The following RYR3 variants were observed in gnomAD, a reference collection of about 807,000 sequenced individuals.
RYR3 encodes the protein brain ryanodine receptor-calcium release channel.
In RYR3, 207 loss-of-function variants were observed where a neutral mutation model predicts 584.3. The observed-to-expected ratio is 0.35, with a 90% CI of 0.32 to 0.40. RYR3 has a LOEUF of 0.40. Among genes scored for constraint, RYR3 ranks in the 10% least tolerant of loss-of-function variants. RYR3 has a pLI of 1.00. For missense variants in RYR3, 5,616 were observed against 6,089.2 expected, an observed-to-expected ratio of 0.92 and a Z score of 2.59; for synonymous variants, 2,416 against 2,248.5, an observed-to-expected ratio of 1.07 and a Z score of -2.11.
At chr15:33,579,732 T>A (rs1172110000) in intron 12 of RYR3, among the ~76,000 whole-genome samples, 2 of 152,142 alleles carry the variant, frequency 1.3e-5, no homozygotes, top group Non-Finnish European at 2.9e-5. Context: ...TGCTTGAAAA[T>A]AAATGTGCTA....
intron 67 of RYR3, among the ~76,000 whole-genome samples, chr15:33,788,746 C>T (rs1028574876): frequency 1.3e-5 from 2 of 152,218 alleles, no homozygotes; most frequent in African/African-American, 2.4e-5. Context: ...TGACCCACTT[C>T]TGCCCCTCTG....
chr15:33,471,539 A>C (rs1253237239), intron 1 of RYR3, among the ~76,000 whole-genome samples: 2 of 151,866 alleles, frequency 1.3e-5, no homozygotes, highest in Non-Finnish European at 1.5e-5. Context: ...AGATCTTGAA[A>C]AGAGAACCTC....
At chr15:33,801,843 T>G (rs761138319) in intron 68 of RYR3, 26 bp from the exon 69 acceptor site, 71 of 1,218,734 alleles carry the variant, frequency 5.8e-5, no homozygotes, top group Non-Finnish European at 8.4e-5. Flanking sequence ...TTGTAATGTT[T>G]GCTGTTTCAA....
chr15:33,520,259 G>GT (rs879516356), intron 3 of RYR3, among the ~76,000 whole-genome samples: 34 of 152,278 alleles, frequency 2.2e-4, no homozygotes, highest in Admixed American at 4.6e-4. Flanking sequence ...TGAACAGTGA[G>GT]TTTTTTTATA....
chr15:33,516,988 T>TTTA lies in RYR3; in HGVS notation c.279+13265_279+13267dup, dbSNP rs758912762. ...TACCCGGTGTTCTTCTACCTTTTATTTTATTATTATTATTATTTTTTGAGA... is the reference window on the plus strand; with the variant it reads ...TACCCGGTGTTCTTCTACCTTTTATTTTATTATTATTATTATTATTTTTTGAGA... On this transcript the variant is annotated intron_variant, in intron 3 of 103. Coordinates refer to ENST00000634891, the MANE Select transcript of RYR3 (RefSeq NM_001036.6). 4.6e-5 allele frequency among the ~76,000 whole-genome samples: 7 copies of TTTA among 152,202 alleles called. No individual in the cohort carries two copies. The East Asian group carries it at 5.8e-4, about 13-fold the overall frequency.
At chr15:33,688,548 G>C (rs2065178388) in intron 38 of RYR3, among the ~76,000 whole-genome samples, 1 of 149,806 alleles carries the variant, frequency 6.7e-6, no homozygotes, top group Non-Finnish European at 1.5e-5. Flanking sequence ...ACTCCAGCCT[G>C]GGCGACAGAG....
At chr15:33,815,819 T>C (rs1418814453) in intron 74 of RYR3, 1 of 398,460 alleles carries the variant, frequency 2.5e-6, no homozygotes. Flanking sequence ...AGAAAACTTG[T>C]ATGCTTCTCT....
intron 1 of RYR3, among the ~76,000 whole-genome samples, chr15:33,464,485 T>TATATATATAG (rs2048307792): frequency 1.1e-5 from 1 of 90,180 alleles, no homozygotes; most frequent in Non-Finnish European, 2.3e-5. Flanking sequence ...TATATATATA[T>TATATATATAG]ATATACACAT....
intron 103 of RYR3, among the ~76,000 whole-genome samples, chr15:33,864,474 TAAG>T (rs1889739757): frequency 6.6e-6 from 1 of 151,902 alleles, no homozygotes; most frequent in Non-Finnish European, 1.5e-5. Context: ...TGTCTGACAA[TAAG>T]AAATGGAGTG....
intron 1 of RYR3, among the ~76,000 whole-genome samples, chr15:33,386,775 T>C (rs1001415867): frequency 2.6e-5 from 4 of 152,226 alleles, no homozygotes; most frequent in Non-Finnish European, 5.9e-5. Context: ...AGCGGAATTG[T>C]AGAGTGTTGG....
At chr15:33,578,764 A>AT (rs1217555790) in intron 12 of RYR3, among the ~76,000 whole-genome samples, 1 of 41,140 alleles carries the variant, frequency 2.4e-5, no homozygotes, top group African/African-American at 1.1e-4. Context: ...AGAACTTAGA[A>AT]TAAAAAAAAA....
Position 33,807,012 on chromosome 15 carries a change from A to G in RYR3, c.10012-543A>G, listed in dbSNP as rs531280303. Among the ~76,000 whole-genome samples the G allele has an allele frequency of 2.6e-5, 4 of 151,678 alleles. No individual in the cohort carries two copies. The East Asian group carries it at 7.8e-4, about 30-fold the overall frequency. On this transcript the variant is annotated intron_variant, in intron 69 of 103. Transcript: ENST00000634891. Reference sequence around the variant, plus strand: ...GTGATCTTGCCACCTCGGCCTCCCAAAGTGCTGGGATGACAGGCATGAGCC... The same window carrying G: ...GTGATCTTGCCACCTCGGCCTCCCAGAGTGCTGGGATGACAGGCATGAGCC...
At chr15:33,581,698 T>G in intron 14 of RYR3, 55 bp downstream of exon 14, 1 of 1,494,612 alleles carries the variant, frequency 6.7e-7, no homozygotes, top group Non-Finnish European at 9.3e-7. Context: ...GATTTCCACG[T>G]GCAATCCCAA....
chr15:33,787,227 A>G (rs1268396137), intron 66 of RYR3, among the ~76,000 whole-genome samples: 2 of 152,214 alleles, frequency 1.3e-5, no homozygotes, highest in Non-Finnish European at 2.9e-5. Context: ...AATCACCCAC[A>G]TAAGATGTAG....
chr15:33,717,134 G>T (rs1162441468), intron 43 of RYR3, among the ~76,000 whole-genome samples: 1 of 151,988 alleles, frequency 6.6e-6, no homozygotes. Context: ...AAAATATCTG[G>T]GCTACTACTG....
chr15:33,549,042 T>A (rs768109912), intron 9 of RYR3, among the ~76,000 whole-genome samples: 1 of 142,682 alleles, frequency 7.0e-6, no homozygotes, highest in Non-Finnish European at 1.5e-5. Flanking sequence ...TTAGGAATTC[T>A]CTTACACCAT....
chr15:33,792,951 G>T (rs536721998), intron 67 of RYR3, among the ~76,000 whole-genome samples: 3 of 152,192 alleles, frequency 2.0e-5, no homozygotes, highest in East Asian at 3.9e-4. Context: ...CAGGTCAATG[G>T]CTCAGTTTTG....
chr15:33,825,744 TTTC>T (rs375843363), intron 82 of RYR3, 68 bp downstream of exon 82: 51,997 of 369,540 alleles, frequency 0.14, 612 homozygotes, highest in East Asian at 0.37. Context: ...TTTTTTTTTT[TTTC>T]CCCATACAGA....
At chr15:33,669,217 G>T (rs946927446) in intron 36 of RYR3, 137 bp from the exon 37 acceptor site, 13 of 526,314 alleles carry the variant, frequency 2.5e-5, no homozygotes, top group African/African-American at 8.2e-5. Flanking sequence ...GTAAATATTG[G>T]CCACTTTTAC....
Sources: gnomAD v4.1 joint callset for allele counts (sites outside exome capture counted in the v4.1 genomes callset) on GRCh38, gnomAD v4.1.1 for gene constraint, MANE v1.5 for transcripts, NCBI Gene and HGNC (gene_info 2026-07-23, HGNC 2026-07-21) for gene names.